The following GPHN variants were observed in gnomAD, a reference collection of about 807,000 sequenced individuals.
GPHN encodes gephyrin.
In GPHN, 17 loss-of-function variants were observed where a neutral mutation model predicts 95.5. The ratio of observed to expected loss-of-function variants is 0.18; its 90% confidence interval spans 0.12 to 0.27. The LOEUF (loss-of-function observed/expected upper bound fraction) is 0.27. GPHN is among the 10% of genes least tolerant of loss of function. The pLI is 1.00. For synonymous variants in GPHN, 320 were observed against 322.5 expected (o/e 0.99, Z 0.08); for missense variants, 660 against 978.1 (o/e 0.67, Z 4.34).
chr14:67,672,635 G>T, the GPHN span, among the ~76,000 whole-genome samples: 4 of 150,574 alleles, frequency 2.7e-5, no homozygotes, highest in African/African-American at 7.3e-5. Context: ...TAGAGATGGG[G>T]TTTCACCATA....
intron 6 of GPHN, among the ~76,000 whole-genome samples, chr14:66,917,310 T>C (rs190626149): frequency 4.2e-4 from 64 of 152,304 alleles, no homozygotes; most frequent in Admixed American, 1.9e-3. Flanking sequence ...AGAATGATGC[T>C]ACTCAGGTTT....
chr14:67,343,869 A>G, the GPHN span, among the ~76,000 whole-genome samples: 1 of 152,232 alleles, frequency 6.6e-6, no homozygotes, highest in Non-Finnish European at 1.5e-5. Flanking sequence ...ATAACAAAAC[A>G]AAAACAAAAT....
chr14:67,725,073 C>A, the GPHN span: 1 of 1,613,808 alleles, frequency 6.2e-7, no homozygotes, highest in South Asian at 1.1e-5. Flanking sequence ...TATGAACATA[C>A]TGCTCTTTTT....
At chr14:67,655,163 G>C in the GPHN span, among the ~76,000 whole-genome samples, 1 of 151,214 alleles carries the variant, frequency 6.6e-6, no homozygotes, top group East Asian at 1.9e-4. Context: ...AACATAATGA[G>C]ACCCCGTTTT....
chr14:67,243,106 T>C, the GPHN span, among the ~76,000 whole-genome samples: 3 of 152,210 alleles, frequency 2.0e-5, no homozygotes, highest in African/African-American at 7.2e-5. Flanking sequence ...TGAAATGCCC[T>C]ATTTCTCTGA....
the GPHN span, among the ~76,000 whole-genome samples, chr14:67,351,825 CT>C: frequency 1.0e-4 from 15 of 144,716 alleles, no homozygotes; most frequent in Admixed American, 1.4e-4. Flanking sequence ...CTAGTATTAA[CT>C]TTTTTTTTTA....
At chr14:67,041,732 C>T (rs575218854) in intron 10 of GPHN, among the ~76,000 whole-genome samples, 11 of 152,254 alleles carry the variant, frequency 7.2e-5, no homozygotes, top group African/African-American at 2.6e-4. Context: ...GATATATGCC[C>T]AGTAATGGGA....
intron 1 of GPHN, among the ~76,000 whole-genome samples, chr14:66,534,252 C>T (rs980205271): frequency 6.6e-6 from 1 of 152,166 alleles, no homozygotes; most frequent in Non-Finnish European, 1.5e-5. Context: ...ATCTCCAGCA[C>T]TCCAGAAGCC....
chr14:67,138,284 T>C (rs1010522002), intron 17 of GPHN, among the ~76,000 whole-genome samples: 2 of 152,174 alleles, frequency 1.3e-5, no homozygotes, highest in African/African-American at 4.8e-5. Context: ...GTATTGTCAT[T>C]AATTATATTT....
intron 2 of GPHN, among the ~76,000 whole-genome samples, chr14:66,771,577 A>C (rs564784176): frequency 2.6e-5 from 4 of 152,112 alleles, no homozygotes; most frequent in Admixed American, 1.3e-4. Flanking sequence ...GCAAAATTGC[A>C]ATTTTTTTTT....
At chr14:67,722,759 T>C in the GPHN span, 1 of 1,435,508 alleles carries the variant, frequency 7.0e-7, no homozygotes, top group South Asian at 1.1e-5. Context: ...AGACCTGCAC[T>C]GGAAGCCGGT....
intron 10 of GPHN, among the ~76,000 whole-genome samples, chr14:67,058,251 C>A (rs537568889): frequency 7.2e-4 from 110 of 152,324 alleles, no homozygotes; most frequent in Non-Finnish European, 1.4e-3. Context: ...AATAAATAAT[C>A]TCTAAGGTTT....
At chr14:67,664,522 A>G in the GPHN span, among the ~76,000 whole-genome samples, 3 of 148,898 alleles carry the variant, frequency 2.0e-5, no homozygotes, top group East Asian at 5.9e-4. Context: ...CTTGAGACAG[A>G]GTCTTGCTCT....
chr14:67,325,243 C>A, the GPHN span, among the ~76,000 whole-genome samples: 1 of 151,608 alleles, frequency 6.6e-6, no homozygotes, highest in African/African-American at 2.4e-5. Flanking sequence ...CACATTAACC[C>A]TTCCTCTTCC....
intron 1 of GPHN, among the ~76,000 whole-genome samples, chr14:66,532,502 A>G (rs2058983324): frequency 6.6e-6 from 1 of 152,210 alleles, no homozygotes; most frequent in South Asian, 2.1e-4. Context: ...TCACAGGCTC[A>G]GCCCAGAGTC....
the GPHN span, chr14:67,204,548 T>C: frequency 6.2e-7 from 1 of 1,612,994 alleles, no homozygotes; most frequent in Non-Finnish European, 8.5e-7. Flanking sequence ...TTTCTCCCTC[T>C]GCAGTTTGTG....
chr14:67,213,032 G>A, the GPHN span, among the ~76,000 whole-genome samples: 1 of 150,966 alleles, frequency 6.6e-6, no homozygotes, highest in Non-Finnish European at 1.5e-5. Context: ...AGATGTAAAT[G>A]CTTAGGCCTC....
intron 2 of GPHN, among the ~76,000 whole-genome samples, chr14:66,707,170 C>G (rs1195287025): frequency 6.6e-6 from 1 of 152,008 alleles, no homozygotes; most frequent in African/African-American, 2.4e-5. Context: ...ACAATAGATG[C>G]TGGTGAGGCT....
the GPHN span, among the ~76,000 whole-genome samples, chr14:67,417,011 A>T: frequency 6.6e-6 from 1 of 152,236 alleles, no homozygotes; most frequent in Non-Finnish European, 1.5e-5. Flanking sequence ...GTGAATCAAG[A>T]CCACGGACTG....
Sources: gnomAD v4.1 joint callset for allele counts (sites outside exome capture counted in the v4.1 genomes callset) on GRCh38, gnomAD v4.1.1 for gene constraint, MANE v1.5 for transcripts, NCBI Gene and HGNC (gene_info 2026-07-23, HGNC 2026-07-21) for gene names.